VPS13B: variants seen among roughly 807,000 people sequenced by gnomAD.
The protein encoded by VPS13B is vacuolar protein sorting 13 homolog B, also known as intermembrane lipid transfer protein VPS13B.
VPS13B carries 285 observed loss-of-function variants against 426.4 expected under a neutral mutation model. The observed-to-expected ratio is 0.67, with a 90% CI of 0.61 to 0.74. The LOEUF (loss-of-function observed/expected upper bound fraction) is 0.74, where lower values mean the gene tolerates loss of function less well. Ranked by LOEUF, VPS13B falls within the 30% of genes least tolerant of loss-of-function variation. The probability of loss-of-function intolerance (pLI) is 0.00; values close to 1 mark genes in which losing one functional copy is unlikely to be tolerated. For synonymous variants in VPS13B, 1,676 were observed against 1,676.4 expected, an observed-to-expected ratio of 1.00 and a Z score of 0.01; for missense variants, 4,537 against 4,782.6, an observed-to-expected ratio of 0.95 and a Z score of 1.51.
chr8:99,160,259 C>T (rs540520869), intron 15 of VPS13B, among the ~76,000 whole-genome samples: 47 of 152,182 alleles, frequency 3.1e-4, no homozygotes, highest in African/African-American at 1.1e-3. Flanking sequence ...TTGAACAATA[C>T]ATGTTTTAGC....
At chr8:99,555,360 A>G (rs1453770777) in intron 30 of VPS13B, among the ~76,000 whole-genome samples, 1 of 152,134 alleles carries the variant, frequency 6.6e-6, no homozygotes, top group African/African-American at 2.4e-5. Context: ...TTTTCACACT[A>G]GGACCCCCAT....
intron 17 of VPS13B, among the ~76,000 whole-genome samples, chr8:99,250,611 A>G (rs1163710651): frequency 8.9e-6 from 1 of 112,494 alleles, no homozygotes; most frequent in South Asian, 2.7e-4. Context: ...TATCTGGCAT[A>G]TTTTTGTCTC....
chr8:99,831,461 T>C (rs1052802692), intron 51 of VPS13B, among the ~76,000 whole-genome samples: 1 of 152,180 alleles, frequency 6.6e-6, no homozygotes, highest in Non-Finnish European at 1.5e-5. Context: ...TATAGGAAAG[T>C]ATTATCTTTC....
chr8:99,310,176 C>A (rs1820874236), intron 19 of VPS13B, among the ~76,000 whole-genome samples: 1 of 152,134 alleles, frequency 6.6e-6, no homozygotes, highest in African/African-American at 2.4e-5. Context: ...CCCTTTATTT[C>A]TTTCTCCTGC....
chr8:99,435,274 C>T (rs1021788), intron 22 of VPS13B, among the ~76,000 whole-genome samples: 140,595 of 152,260 alleles, frequency 0.92, 65,058 homozygotes, highest in African/African-American at 0.97. Flanking sequence ...GATCTAAATG[C>T]TATTTCATGA....
At chr8:99,113,700 G>A (rs1270453077) in intron 6 of VPS13B, among the ~76,000 whole-genome samples, 1 of 152,136 alleles carries the variant, frequency 6.6e-6, no homozygotes, top group African/African-American at 2.4e-5. Context: ...GAGTAGCTGG[G>A]ATTACAGGCG....
chr8:99,406,153 T>G (rs1317162008), intron 21 of VPS13B, among the ~76,000 whole-genome samples: 2 of 152,112 alleles, frequency 1.3e-5, no homozygotes, highest in South Asian at 2.1e-4. Flanking sequence ...AAAATAGGTC[T>G]GTACCACTCA....
chr8:99,052,580 T>C (rs1843616217), intron 3 of VPS13B, among the ~76,000 whole-genome samples: 1 of 140,182 alleles, frequency 7.1e-6, no homozygotes, highest in African/African-American at 2.7e-5. Context: ...CTTTTTCTAT[T>C]GATTGAAATA....
chr8:99,616,430 G>T (rs569093186), intron 33 of VPS13B, among the ~76,000 whole-genome samples: 1 of 152,300 alleles, frequency 6.6e-6, no homozygotes, highest in South Asian at 2.1e-4. Flanking sequence ...ATCTCAAGAC[G>T]TTTAAGAGGA....
chr8:99,839,009 C>A (rs1815537123), intron 54 of VPS13B, among the ~76,000 whole-genome samples: 2 of 152,214 alleles, frequency 1.3e-5, no homozygotes, highest in Admixed American at 1.3e-4. Flanking sequence ...CCTGGCAAGG[C>A]CCCGTAGGTC....
chr8:99,182,507 TA>T lies in VPS13B; in HGVS notation c.2334-10366del, dbSNP rs1812995605. ...AATTCTTTTTATATTTTACTGTTTG[TA>T]AATTTTACCTAAAGAAAAAAGGACT... is the stretch of plus-strand genomic sequence containing the variant. On this transcript the variant is annotated intron_variant, in intron 16 of 61. Coordinates refer to ENST00000357162, the MANE Select transcript of VPS13B (RefSeq NM_152564.5). 3.3e-5 allele frequency among the ~76,000 whole-genome samples: 5 copies of T among 152,184 alleles called. No individual in the cohort carries two copies. The South Asian group carries it at 1.0e-3, about 31-fold the overall frequency.
At position 99,659,218 on chromosome 8, in the gene VPS13B, T is replaced by C. The variant is rs1830132252; in HGVS notation, c.5909-2136T>C. The stretch of plus-strand genomic sequence containing the variant: ...ATTAAGATTTAGTATATTTTAATGT[T>C]TGTATTTTTAAAATGTTTATATGCC... On this transcript the variant is annotated intron_variant, in intron 34 of 61. Transcript: ENST00000357162. Among the ~76,000 whole-genome samples, 3 of 152,204 alleles carry C rather than the reference T, an allele frequency of 2.0e-5. No homozygotes were observed. In the South Asian group the frequency reaches 6.2e-4, roughly 32 times the overall value.
intron 39 of VPS13B, among the ~76,000 whole-genome samples, chr8:99,760,660 A>G (rs1810883861): frequency 6.6e-6 from 1 of 152,186 alleles, no homozygotes; most frequent in African/African-American, 2.4e-5. Context: ...TATTGTACTC[A>G]GTGTTGTTTT....
At chr8:99,310,334 G>A (rs1030796569) in intron 19 of VPS13B, among the ~76,000 whole-genome samples, 1 of 152,068 alleles carries the variant, frequency 6.6e-6, no homozygotes, top group Non-Finnish European at 1.5e-5. Flanking sequence ...ATAAATAGCT[G>A]TTATTATTTT....
At chr8:99,594,598 T>C (rs1826896563) in intron 33 of VPS13B, among the ~76,000 whole-genome samples, 1 of 151,984 alleles carries the variant, frequency 6.6e-6, no homozygotes, top group African/African-American at 2.4e-5. Context: ...CTTGATTGGA[T>C]AAAAGAATGA....
chr8:99,190,179 A>G (rs1007346820), intron 16 of VPS13B, among the ~76,000 whole-genome samples: 1 of 152,100 alleles, frequency 6.6e-6, no homozygotes, highest in Non-Finnish European at 1.5e-5. Context: ...ATCCATGGTA[A>G]TAGTCTTTGT....
chr8:99,029,815 G>GGAGAC (rs1563493481), intron 2 of VPS13B, among the ~76,000 whole-genome samples: 52 of 135,652 alleles, frequency 3.8e-4, no homozygotes, highest in Middle Eastern at 3.6e-3. Flanking sequence ...GAGACGGAGA[G>GGAGAC]GGAGAGGGAG....
chr8:99,623,835 C>T (rs1305131765), intron 33 of VPS13B, among the ~76,000 whole-genome samples: 3 of 151,854 alleles, frequency 2.0e-5, no homozygotes, highest in Non-Finnish European at 4.4e-5. Flanking sequence ...TACTTTCCCT[C>T]AGCTTTTTGA....
chr8:99,399,113 A>G (rs1364169390), intron 21 of VPS13B, among the ~76,000 whole-genome samples: 10 of 152,188 alleles, frequency 6.6e-5, no homozygotes, highest in African/African-American at 2.4e-4. Flanking sequence ...TTGGAACAGA[A>G]AAAGGTTGAA....
Sources: gnomAD v4.1 joint callset for allele counts (sites outside exome capture counted in the v4.1 genomes callset) on GRCh38, gnomAD v4.1.1 for gene constraint, MANE v1.5 for transcripts, NCBI Gene and HGNC (gene_info 2026-07-23, HGNC 2026-07-21) for gene names.